SLC4A1: variants seen among roughly 807,000 people sequenced by gnomAD.
The protein encoded by SLC4A1 is solute carrier family 4 member 1 (Diego blood group).
SLC4A1 carries 29 observed loss-of-function variants against 93.1 expected under a neutral mutation model. The ratio of observed to expected loss-of-function variants is 0.31; its 90% CI spans 0.23 to 0.42. The LOEUF is 0.42. Among genes scored for constraint, SLC4A1 ranks in the 20% least tolerant of loss-of-function variants. The pLI is 1.00. For missense variants in SLC4A1, 965 were observed against 1,190.1 expected (o/e 0.81, Z 2.78); for synonymous variants, 469 against 497.2 (o/e 0.94, Z 0.76).
chr17:44,251,720 C>CTTTTCTTTTTTT (rs1555594857), intron 17 of SLC4A1, 132 bp from the exon 18 acceptor site: 1 of 359,772 alleles, frequency 2.8e-6, no homozygotes, highest in Admixed American at 5.6e-5. Flanking sequence ...CTTTTCTTTT[C>CTTTTCTTTTTTT]TTTTTTTTTT....
chr17:44,251,188 G>A lies in SLC4A1; in HGVS notation c.2626C>T (p.Leu876Phe), dbSNP rs1567827843. Residue 876 changes from leucine to phenylalanine, a missense_variant, in exon 19 of 20, where the codon CTC becomes TTC. Leu to Phe is a conservative substitution (Grantham distance 22, BLOSUM62 0). This residue lies in a region of SLC4A1 where 770 missense variants were observed against 1,006.6 expected (regional missense o/e 0.76). Transcript: ENST00000262418. ...TGAAGCTCCACGTTCCTGAAGATGAGCGGCAGCAGGACGCGCCGCAGCGGC... is the reference window on the plus strand; with the variant it reads ...TGAAGCTCCACGTTCCTGAAGATGAACGGCAGCAGGACGCGCCGCAGCGGC... ...TVPLRRVLLP[L>F]IFRNVELQCL... The A allele has an allele frequency of 2.5e-6, 4 of 1,610,846 alleles. No individual in the cohort carries two copies. In the East Asian group the frequency reaches 8.9e-5, roughly 36 times the overall value.
At chr17:44,260,573 G>C in intron 5 of SLC4A1, 34 bp from the exon 6 acceptor site, 17 of 1,614,146 alleles carry the variant, frequency 1.1e-5, no homozygotes, top group Non-Finnish European at 1.4e-5. Context: ...TGGTAGGCTG[G>C]GCCACAGCAC....
At chr17:44,254,015 C>T (rs1271069889) in intron 16 of SLC4A1, among the ~76,000 whole-genome samples, 2 of 140,120 alleles carry the variant, frequency 1.4e-5, no homozygotes, top group East Asian at 4.1e-4. Context: ...ACTCTCGTTG[C>T]CCAAGTTGGA....
chr17:44,255,863 A>G lies in SLC4A1; in HGVS notation c.1627-17T>C, dbSNP rs2047384714. 6.2e-7 allele frequency: 1 copy of G among 1,614,050 alleles called. No homozygotes were observed. Reference sequence around the variant, plus strand: ...CTGGAAGATCTGCAGCAGAAAACCAAGGCATTCTGTTCTCTCCCAGCTTTG... The same window carrying G: ...CTGGAAGATCTGCAGCAGAAAACCAGGGCATTCTGTTCTCTCCCAGCTTTG... On this transcript the variant is annotated splice_polypyrimidine_tract_variant and intron_variant, in intron 13 of 19. Coordinates refer to ENST00000262418, the MANE Select transcript of SLC4A1 (RefSeq NM_000342.4).
intron 16 of SLC4A1, among the ~76,000 whole-genome samples, chr17:44,254,274 C>A (rs2047369067): frequency 6.6e-6 from 1 of 152,038 alleles, no homozygotes; most frequent in South Asian, 2.1e-4. Context: ...CCGCGCCCGG[C>A]CACGTTTTTT....
In SLC4A1 at chr17:44,253,097, C is replaced by A; in HGVS notation, c.2311+21G>T. 3 of 1,606,432 alleles carry A rather than the reference C, an allele frequency of 1.9e-6. No homozygotes were observed. In the African/African-American group the frequency reaches 4.0e-5, roughly 21 times the overall value. On this transcript the variant is annotated intron_variant, in intron 17 of 19. Coordinates refer to ENST00000262418, the MANE Select transcript of SLC4A1 (RefSeq NM_000342.4). ...GTGAGGGGCAGGAGGATGGTGAAGA[C>A]GCGACCCAGCTTTCACTCACCCACA...
In SLC4A1 at chr17:44,257,647, G is replaced by A. The variant is rs201576578; in HGVS notation, c.1431+12C>T. ...GGACATGACAGGGTCAGTGGGGCAA[G>A]GACAGAACTACCGAGAAGAAGGCTT... On this transcript the variant is annotated intron_variant, in intron 12 of 19. Coordinates refer to ENST00000262418, the MANE Select transcript of SLC4A1 (RefSeq NM_000342.4). 6.3e-5 allele frequency: 101 copies of A among 1,613,646 alleles called. No individual in the cohort carries two copies. The African/African-American group carries it at 1.1e-3, about 17-fold the overall frequency.
At position 44,260,581 on chromosome 17, in the gene SLC4A1, C is replaced by A. The variant is rs1398293953; in HGVS notation, c.350-42G>T. 4 of 1,614,062 alleles carry A rather than the reference C, an allele frequency of 2.5e-6. No homozygotes were observed. In the South Asian group the frequency reaches 4.4e-5, roughly 18 times the overall value. On this transcript the variant is annotated intron_variant, in intron 5 of 19. Transcript: ENST00000262418. ...AGTGAGCTGGTAGGCTGGGCCACAG[C>A]ACCCCACAACAATCCTCATCTGCAG...
chr17:44,260,885 C>G (rs1262700511), intron 4 of SLC4A1, 70 bp from the exon 5 acceptor site: 1 of 1,544,896 alleles, frequency 6.5e-7, no homozygotes, highest in Admixed American at 1.7e-5. Context: ...CAGCCACTCT[C>G]GAGAGAGGCT....
At chr17:44,266,425 G>A (rs149090858) in intron 1 of SLC4A1, among the ~76,000 whole-genome samples, 1,753 of 152,272 alleles carry the variant, frequency 0.012, 17 homozygotes, top group Admixed American at 0.02. Flanking sequence ...GCCTATCTGA[G>A]GAGTGGAATG....
intron 17 of SLC4A1, 28 bp downstream of exon 17, chr17:44,253,090 G>A (rs1439255885): frequency 6.2e-7 from 1 of 1,604,786 alleles, no homozygotes; most frequent in Non-Finnish European, 8.5e-7. Context: ...CAGGAGGATG[G>A]TGAAGACGCG....
In SLC4A1 at chr17:44,260,471, T is replaced by C; in HGVS notation, c.418A>G (p.Ile140Val). 1 of 1,614,120 alleles carries C rather than the reference T, an allele frequency of 6.2e-7. No individual in the cohort carries two copies. The highest frequency in any genetic ancestry group is 8.5e-7 in the Non-Finnish European group (1 of 1,179,992). ...TGAGGCCGGATCTGGTCTTCAAAGA[T>C]AAACCTGTCTAGCAGTTGGTTGGCC... Reference protein sequence around the residue: ...GVANQLLDRFIFEDQIRPQDR... With the variant: ...GVANQLLDRFVFEDQIRPQDR... Residue 140 changes from isoleucine (I) to valine (V), a missense_variant, in exon 6 of 20, where the codon ATC becomes GTC. By Grantham distance (29) the Ile-to-Val change is conservative (BLOSUM62 3). Around this residue, in one of 2 missense-constraint regions of SLC4A1, gnomAD observed 195 missense variants for 183.5 expected, o/e 1.06. Coordinates refer to ENST00000262418, the MANE Select transcript of SLC4A1 (RefSeq NM_000342.4).
At position 44,259,144 on chromosome 17, in the gene SLC4A1, C is replaced by T. The variant is rs751720277; in HGVS notation, c.876+19G>A. 2 of 1,613,414 alleles carry T rather than the reference C, an allele frequency of 1.2e-6. No individual in the cohort carries two copies. The highest frequency in any genetic ancestry group is 1.7e-6 in the Non-Finnish European group (2 of 1,179,916). On this transcript the variant is annotated intron_variant, in intron 9 of 19. Transcript: ENST00000262418. Reference sequence around the variant, plus strand: ...GGTCCCAAGCTTCCCCAGCCCAGCCCTCTCCGGCCCTTCCTTACCCTCTCT... The same window carrying T: ...GGTCCCAAGCTTCCCCAGCCCAGCCTTCTCCGGCCCTTCCTTACCCTCTCT...
At position 44,250,124 on chromosome 17, in the gene SLC4A1, T is replaced by C; in HGVS notation, c.*334A>G. ...GCACCCCACCCGCTCACCCACCTCC[T>C]GCCTTTGCTTCTACCCCTGCCTGTG... is the stretch of plus-strand genomic sequence containing the variant. On this transcript the variant is annotated 3_prime_UTR_variant, in exon 20 of 20. Coordinates refer to ENST00000262418, the MANE Select transcript of SLC4A1 (RefSeq NM_000342.4). 2.8e-6 allele frequency: 1 copy of C among 360,068 alleles called. No individual in the cohort carries two copies. The highest frequency in any genetic ancestry group is 6.1e-5 in the East Asian group (1 of 16,512). The allele number at this position is 360,068 out of a possible 1,614,324, so 22.3% of individuals were successfully genotyped here.
Position 44,259,152 on chromosome 17 carries a change from C to T in SLC4A1, c.876+11G>A, listed in dbSNP as rs2047417403. ...GCTTCCCCAGCCCAGCCCTCTCCGG[C>T]CCTTCCTTACCCTCTCTGACATGAG... On this transcript the variant is annotated intron_variant, in intron 9 of 19. Coordinates refer to ENST00000262418, the MANE Select transcript of SLC4A1 (RefSeq NM_000342.4). 6.2e-7 allele frequency: 1 copy of T among 1,613,798 alleles called. No individual in the cohort carries two copies. Among genetic ancestry groups the T allele is most frequent in the Non-Finnish European group, 8.5e-7 (1 of 1,179,992 alleles).
chr17:44,255,356 C>T, intron 14 of SLC4A1, 60 bp from the exon 15 acceptor site: 1 of 1,330,494 alleles, frequency 7.5e-7, no homozygotes, highest in Non-Finnish European at 1.1e-6. Context: ...TCCTGCCTTC[C>T]TCCTGCCCTA....
intron 16 of SLC4A1, among the ~76,000 whole-genome samples, chr17:44,254,271 C>T (rs542293977): frequency 2.6e-5 from 4 of 152,126 alleles, no homozygotes; most frequent in South Asian, 2.1e-4. Flanking sequence ...CCACCGCGCC[C>T]GGCCACGTTT....
chr17:44,258,747 C>A lies in SLC4A1; in HGVS notation c.877-124G>T. 1 of 912,684 alleles carries A rather than the reference C, an allele frequency of 1.1e-6. No homozygotes were observed. Among genetic ancestry groups the A allele is most frequent in the South Asian group, 1.4e-5 (1 of 69,264 alleles). The allele number at this position is 912,684 out of a possible 1,614,324, so 56.5% of individuals were successfully genotyped here. A position where few individuals can be genotyped will look rare whatever the true frequency, so the allele number is the denominator to read the frequency against. On this transcript the variant is annotated intron_variant, in intron 9 of 19. Transcript: ENST00000262418. The surrounding 1 kb of genome is among the most constrained non-coding windows in gnomAD (Gnocchi z 6.1). The stretch of plus-strand genomic sequence containing the variant: ...CAGCAGCTCCCATTGCCAGGAACTG[C>A]TTTTCCTGCCCGCTCCCACCCCTAC...
At position 44,254,227 on chromosome 17, in the gene SLC4A1, C is replaced by T. The variant is rs538276674; in HGVS notation, c.2057+269G>A. 5.3e-5 allele frequency among the ~76,000 whole-genome samples: 8 copies of T among 152,198 alleles called. No homozygotes were observed. In the South Asian group the frequency reaches 1.2e-3, roughly 24 times the overall value. ...CTGACCTCAGGTGATCTGCCCGCCTCGGCCTCTCAAACTGTTGGGATTACG... is the reference window on the plus strand; with the variant it reads ...CTGACCTCAGGTGATCTGCCCGCCTTGGCCTCTCAAACTGTTGGGATTACG... On this transcript the variant is annotated intron_variant, in intron 16 of 19. Transcript: ENST00000262418.
Sources: gnomAD v4.1 joint callset for allele counts (sites outside exome capture counted in the v4.1 genomes callset) on GRCh38, gnomAD v4.1.1 for gene constraint, gnomAD v4.1.1 regional missense constraint, Gnocchi (gnomAD v3.1) non-coding constraint, MANE v1.5 for transcripts, NCBI Gene and HGNC (gene_info 2026-07-23, HGNC 2026-07-21) for gene names.